SMARCA1: variants seen among roughly 807,000 people sequenced by gnomAD.
SMARCA1 encodes the protein SWI/SNF-related matrix-associated actin-dependent regulator of chromatin subfamily A member 1.
SMARCA1 carries 17 observed loss-of-function variants against 93.6 expected under a neutral mutation model. That is an observed-to-expected ratio of 0.18 (90% CI 0.12 to 0.27). The LOEUF (loss-of-function observed/expected upper bound fraction) is 0.27, where lower values mean the gene tolerates loss of function less well. Among genes scored for constraint, SMARCA1 ranks in the 10% least tolerant of loss-of-function variants. The pLI, the probability that SMARCA1 is intolerant of heterozygous loss-of-function variation, is 1.00. For synonymous variants in SMARCA1, 271 were observed against 271.4 expected, an observed-to-expected ratio of 1.00 and a Z score of 0.01; for missense variants, 630 against 819.0, an observed-to-expected ratio of 0.77 and a Z score of 2.82.
chrX:129,520,686 C>T (rs557800299), intron 1 of SMARCA1, among the ~76,000 whole-genome samples: 40 of 111,036 alleles, frequency 3.6e-4, no homozygotes, highest in African/African-American at 9.8e-4. Flanking sequence ...TTGGTGTGCA[C>T]GTGTCATTAT....
chrX:129,496,678 T>C, intron 12 of SMARCA1, 72 bp downstream of exon 12: 5 of 998,193 alleles, frequency 5.0e-6, no homozygotes, highest in Non-Finnish European at 6.8e-6. Flanking sequence ...AGTTCAAAAC[T>C]ACCTAATGTT....
intron 20 of SMARCA1, 113 bp from the exon 21 acceptor site, chrX:129,469,018 T>C: frequency 2.3e-6 from 1 of 427,901 alleles, no homozygotes; most frequent in South Asian, 8.6e-5. Flanking sequence ...AGACTTAAAA[T>C]GTTTCTCCTT....
chrX:129,468,054 G>A (rs775965161), intron 21 of SMARCA1, among the ~76,000 whole-genome samples: 1 of 112,450 alleles, frequency 8.9e-6, no homozygotes, highest in Non-Finnish European at 1.9e-5. Flanking sequence ...ACACGAAGAG[G>A]TTTCGCCCAG....
chrX:129,490,805 A>T (rs766243811), intron 14 of SMARCA1, among the ~76,000 whole-genome samples: 1 of 111,125 alleles, frequency 9.0e-6, no homozygotes, highest in Non-Finnish European at 1.9e-5. Flanking sequence ...AGAGAAAAAA[A>T]AAATGTAAGT....
In SMARCA1 at chrX:129,523,328, C is replaced by T. The variant is rs1935489485; in HGVS notation, c.43G>A (p.Ala15Thr). 8.3e-7 allele frequency: 1 copy of T among 1,198,523 alleles called. No individual in the cohort carries two copies. Among genetic ancestry groups the T allele is most frequent in the Non-Finnish European group, 1.1e-6 (1 of 891,052 alleles). The change falls in exon 1 of 25, where the codon GCG (alanine) becomes ACG (threonine). Residue 15 changes from alanine (A) to threonine (T), a missense_variant. Around this residue, in one of 4 missense-constraint regions of SMARCA1, gnomAD observed 103 missense variants for 82.0 expected, o/e 1.26. Coordinates refer to ENST00000371121, the MANE Select transcript of SMARCA1 (RefSeq NM_001282874.2). ...ACCACGATAGTGGCGGTCGCATCCG[C>T]GGCTGCCACGGTGGCTGCCACTGCG... ...TAAVAATVAAADATATIVVIE... is the reference protein window; with the variant it reads ...TAAVAATVAATDATATIVVIE...
At position 129,497,960 on chromosome X, in the gene SMARCA1, T is replaced by C. The variant is rs1934401535; in HGVS notation, c.1389A>G (p.Pro463=). The change falls in exon 11 of 25, where the codon CCA becomes CCG. Residue 463 remains proline (P), a synonymous_variant. Coordinates refer to ENST00000371121, the MANE Select transcript of SMARCA1 (RefSeq NM_001282874.2). ...LMQLRKCCNH[P]YLFDGAEPGP... is the part of the protein sequence containing the mutation. The stretch of plus-strand genomic sequence containing the variant: ...CAGGTTCAGCACCATCAAACAGATA[T>C]GGATGATTACAACACTTTCGAAGCT... 3 of 1,204,628 alleles carry C rather than the reference T, an allele frequency of 2.5e-6. No homozygotes were observed. Among genetic ancestry groups the C allele is most frequent in the South Asian group, 1.8e-5 (1 of 56,842 alleles).
At chrX:129,521,329 A>T (rs1456634886) in intron 1 of SMARCA1, among the ~76,000 whole-genome samples, 1 of 112,305 alleles carries the variant, frequency 8.9e-6, no homozygotes, top group Non-Finnish European at 1.9e-5. Context: ...AGAAGAGGTT[A>T]ATCTGCACTT....
At chrX:129,457,105 C>T (rs1345116964) in intron 23 of SMARCA1, among the ~76,000 whole-genome samples, 1 of 112,113 alleles carries the variant, frequency 8.9e-6, no homozygotes, top group African/African-American at 3.2e-5. Context: ...TCAGCAACAA[C>T]CACCCTGATC....
chrX:129,508,950 G>A (rs1219901401), intron 6 of SMARCA1, among the ~76,000 whole-genome samples: 1 of 111,313 alleles, frequency 9.0e-6, no homozygotes, highest in Non-Finnish European at 1.9e-5. Flanking sequence ...CACTTTGGGA[G>A]GCCAAGGCAG....
chrX:129,463,721 T>G (rs999097596), intron 23 of SMARCA1, among the ~76,000 whole-genome samples: 8 of 111,449 alleles, frequency 7.2e-5, no homozygotes, highest in African/African-American at 2.6e-4. Context: ...GTGGATCACA[T>G]GAGATCAGGA....
chrX:129,502,335 C>G (rs374609339), intron 9 of SMARCA1, among the ~76,000 whole-genome samples: 2 of 110,901 alleles, frequency 1.8e-5, no homozygotes, highest in East Asian at 5.7e-4. Context: ...AAGAGACAGT[C>G]AAAGAAAGAA....
chrX:129,475,099 C>T (rs1257048887), intron 19 of SMARCA1, among the ~76,000 whole-genome samples: 1 of 106,906 alleles, frequency 9.4e-6, no homozygotes, highest in Non-Finnish European at 2.0e-5. Flanking sequence ...CAGACTAATA[C>T]ACCTCCTATA....
chrX:129,451,204 A>G (rs1289656118), intron 23 of SMARCA1, among the ~76,000 whole-genome samples: 1 of 112,123 alleles, frequency 8.9e-6, no homozygotes, highest in East Asian at 2.8e-4. Context: ...CAGACCAAAT[A>G]TTCTCCATAG....
chrX:129,498,255 T>C (rs1165942801), intron 10 of SMARCA1, among the ~76,000 whole-genome samples, 184 bp from the exon 11 acceptor site: 1 of 112,013 alleles, frequency 8.9e-6, no homozygotes, highest in African/African-American at 3.2e-5. Context: ...GTGTTGCTTA[T>C]AAACCTGTTT....
chrX:129,514,180 G>A (rs752254253), intron 5 of SMARCA1, among the ~76,000 whole-genome samples: 3 of 112,010 alleles, frequency 2.7e-5, no homozygotes, highest in South Asian at 3.7e-4. Context: ...AGCTGGGCGC[G>A]GTGGCGGGCG....
intron 17 of SMARCA1, 113 bp downstream of exon 17, chrX:129,486,905 C>T (rs1933915994): frequency 1.7e-6 from 1 of 598,029 alleles, no homozygotes; most frequent in African/African-American, 2.3e-5. Context: ...AGACCTATAT[C>T]AAATTTCACT....
chrX:129,482,270 A>G (rs1226106835), intron 17 of SMARCA1, among the ~76,000 whole-genome samples: 1 of 105,782 alleles, frequency 9.5e-6, no homozygotes, highest in Non-Finnish European at 1.9e-5. Context: ...AGCATGGCAC[A>G]TGTATACATA....
chrX:129,473,577 T>G lies in SMARCA1; in HGVS notation c.2443-2251A>C, dbSNP rs762511846. 4.5e-5 allele frequency among the ~76,000 whole-genome samples: 5 copies of G among 111,966 alleles called. No homozygotes were observed. The South Asian group carries it at 1.9e-3, about 42-fold the overall frequency. On this transcript the variant is annotated intron_variant, in intron 19 of 24. Coordinates refer to ENST00000371121, the MANE Select transcript of SMARCA1 (RefSeq NM_001282874.2). ...CCCAGATGACCATCAAGAGAATGAA[T>G]AAGCAAACTGTGGCCTATCCATACA...
chrX:129,450,044 T>C (rs769733091), intron 23 of SMARCA1, among the ~76,000 whole-genome samples: 1 of 112,797 alleles, frequency 8.9e-6, no homozygotes, highest in East Asian at 2.8e-4. Context: ...TACTATCTGC[T>C]ATGGACTGAG....
Sources: allele counts gnomAD v4.1 joint callset (sites outside exome capture counted in the v4.1 genomes callset), GRCh38; gene constraint gnomAD v4.1.1; regional missense constraint gnomAD v4.1.1; transcripts MANE v1.5; gene names NCBI Gene and HGNC (gene_info 2026-07-23, HGNC 2026-07-21).